Variants in ZNF644 observed in about 807,000 individuals in gnomAD.
ZNF644 encodes the protein zinc finger motif enhancer binding protein 2.
A neutral mutation model predicts 108.0 loss-of-function variants in ZNF644; 20 were observed. That is an observed-to-expected ratio of 0.19 (90% CI 0.13 to 0.27). ZNF644 has a LOEUF of 0.27. ZNF644 is among the 10% of genes least tolerant of loss of function. The probability of loss-of-function intolerance (pLI) is 1.00; values close to 1 mark genes in which losing one functional copy is unlikely to be tolerated. For synonymous variants in ZNF644, 542 were observed against 539.1 expected, an observed-to-expected ratio of 1.01 and a Z score of -0.08; for missense variants, 1,338 against 1,548.9, an observed-to-expected ratio of 0.86 and a Z score of 2.29.
At chr1:91,001,440 G>A (rs1658801789) in intron 1 of ZNF644, among the ~76,000 whole-genome samples, 1 of 152,242 alleles carries the variant, frequency 6.6e-6, no homozygotes, top group African/African-American at 2.4e-5. Context: ...AAAACCACAT[G>A]ATTATCTCAA....
intron 1 of ZNF644, among the ~76,000 whole-genome samples, chr1:91,002,577 T>C (rs1236631856): frequency 1.3e-5 from 2 of 152,126 alleles, no homozygotes; most frequent in Non-Finnish European, 2.9e-5. Flanking sequence ...ACAAAAACCC[T>C]AGAAGAAAAC....
chr1:90,932,042 C>G (rs1020144269), intron 4 of ZNF644, among the ~76,000 whole-genome samples: 1 of 151,960 alleles, frequency 6.6e-6, no homozygotes, highest in African/African-American at 2.4e-5. Flanking sequence ...ATGTCGGTGA[C>G]CCCAGTAAAG....
intron 1 of ZNF644, among the ~76,000 whole-genome samples, chr1:91,013,645 G>T (rs1433473770): frequency 6.6e-6 from 1 of 151,808 alleles, no homozygotes; most frequent in Non-Finnish European, 1.5e-5. Context: ...TATCCTTTAC[G>T]GTTCAGTTCA....
chr1:90,918,199 A>G (rs150530884), intron 4 of ZNF644, 45 bp from the exon 5 acceptor site: 17,790 of 1,481,360 alleles, frequency 0.012, 134 homozygotes, highest in Non-Finnish European at 0.015. Context: ...ATATATTTCA[A>G]AATATACATA....
At chr1:90,963,652 T>C (rs1654553248) in intron 2 of ZNF644, among the ~76,000 whole-genome samples, 1 of 152,136 alleles carries the variant, frequency 6.6e-6, no homozygotes, top group Non-Finnish European at 1.5e-5. Flanking sequence ...AAACATAATG[T>C]TGAACAAAAT....
intron 4 of ZNF644, among the ~76,000 whole-genome samples, chr1:90,931,981 T>C (rs1650780940): frequency 6.6e-6 from 1 of 152,086 alleles, no homozygotes; most frequent in African/African-American, 2.4e-5. Flanking sequence ...TGAGAACAAA[T>C]AAGTGCATGT....
rs147024894 is a variant in ZNF644 at position 90,982,310 on chromosome 1, C to T, written c.44G>A (p.Arg15Lys). ...TTTAACAAAGCAGTCTTCTACTTAC[C>T]TAGATTTTGTCTTATTAACATCTTG... ...LQQDVNKTKS[R>K]LNVLNGLANN... The change falls in exon 2 of 6, where the codon AGA becomes AAA. Residue 15 changes from arginine (R) to lysine (K), a missense_variant and splice_region_variant. Arg to Lys is a conservative substitution (Grantham distance 26). Coordinates refer to ENST00000337393, the MANE Select transcript of ZNF644 (RefSeq NM_201269.3). 1.9e-6 allele frequency: 3 copies of T among 1,609,044 alleles called. No homozygotes were observed. The highest frequency in any genetic ancestry group is 2.5e-6 in the Non-Finnish European group (3 of 1,178,012).
chr1:90,966,343 A>G (rs1654884783), intron 2 of ZNF644, among the ~76,000 whole-genome samples: 1 of 152,090 alleles, frequency 6.6e-6, no homozygotes, highest in African/African-American at 2.4e-5. Flanking sequence ...CCCCACTACA[A>G]AGTAAGCTTC....
At chr1:90,921,773 A>G (rs931366684) in intron 4 of ZNF644, among the ~76,000 whole-genome samples, 5 of 152,094 alleles carry the variant, frequency 3.3e-5, no homozygotes, top group African/African-American at 1.2e-4. Context: ...TTTCAGTAAG[A>G]TATTTGTCTT....
chr1:90,955,277 A>G (rs1211264803), intron 2 of ZNF644, among the ~76,000 whole-genome samples: 1 of 152,172 alleles, frequency 6.6e-6, no homozygotes, highest in Non-Finnish European at 1.5e-5. Flanking sequence ...ATGGGCCCTA[A>G]GATTTATGGA....
At chr1:91,018,864 A>G (rs1360923609) in intron 1 of ZNF644, among the ~76,000 whole-genome samples, 2 of 152,206 alleles carry the variant, frequency 1.3e-5, no homozygotes, top group African/African-American at 4.8e-5. Context: ...AAACACTCTT[A>G]TAACTTGAAT....
At chr1:91,007,218 C>T (rs1433784612) in intron 1 of ZNF644, among the ~76,000 whole-genome samples, 1 of 125,668 alleles carries the variant, frequency 8.0e-6, no homozygotes, top group Non-Finnish European at 1.7e-5. Context: ...CCATTTTCTC[C>T]CATTTTGTTT....
At chr1:90,985,155 A>G (rs1208445764) in intron 1 of ZNF644, among the ~76,000 whole-genome samples, 1 of 152,078 alleles carries the variant, frequency 6.6e-6, no homozygotes, top group African/African-American at 2.4e-5. Context: ...CATTTTAGAC[A>G]CTTTATTTTT....
intron 2 of ZNF644, among the ~76,000 whole-genome samples, chr1:90,966,747 CA>C (rs67549954): frequency 0.38 from 28,081 of 73,766 alleles, 2,539 homozygotes; most frequent in Non-Finnish European, 0.41. Context: ...GACTCAGTCT[CA>C]AAAAAAAAAA....
intron 2 of ZNF644, among the ~76,000 whole-genome samples, chr1:90,946,681 A>C (rs1328218787): frequency 6.6e-6 from 1 of 152,172 alleles, no homozygotes; most frequent in Non-Finnish European, 1.5e-5. Context: ...ACACTGCCAC[A>C]GAGCTAACTG....
intron 1 of ZNF644, among the ~76,000 whole-genome samples, chr1:91,002,289 C>A (rs1658927734): frequency 6.6e-6 from 1 of 152,134 alleles, no homozygotes; most frequent in Admixed American, 6.5e-5. Flanking sequence ...TACTACAAGG[C>A]CACAGTAATC....
rs1651613177 is a variant in ZNF644 at position 90,938,711 on chromosome 1, A to G, written c.2643T>C (p.Asp881=). Residue 881 remains aspartate (D), a synonymous_variant, in exon 3 of 6, where the codon GAT becomes GAC. Transcript: ENST00000337393. The surrounding 1 kb of genome is among the most constrained non-coding windows in gnomAD (Gnocchi z 4.2). The part of the protein sequence containing the change: ...TQAIEDETYS[D]INQEHVNLFP... The stretch of plus-strand genomic sequence containing the variant: ...ATAAATTTACATGCTCTTGATTAAT[A>G]TCACTATAGGTTTCATCTTCTATGG... 1.2e-6 allele frequency: 2 copies of G among 1,613,530 alleles called. No homozygotes were observed. Among genetic ancestry groups the G allele is most frequent in the Middle Eastern group, 1.7e-4 (1 of 6,060 alleles).
intron 2 of ZNF644, among the ~76,000 whole-genome samples, chr1:90,979,393 A>T (rs1334925420): frequency 6.6e-6 from 1 of 152,114 alleles, no homozygotes; most frequent in East Asian, 1.9e-4. Context: ...GAATTGCTTG[A>T]ACCTGGGAGG....
chr1:90,937,962 C>T lies in ZNF644; in HGVS notation c.3211G>A (p.Ala1071Thr), dbSNP rs746369960. The T allele has an allele frequency of 4.2e-5, 67 of 1,612,834 alleles. No homozygotes were observed. Among genetic ancestry groups the T allele is most frequent in the Non-Finnish European group, 5.6e-5 (66 of 1,179,864 alleles). Residue 1071 changes from alanine (A) to threonine (T), a missense_variant, in exon 4 of 6, where the codon GCT (alanine) becomes ACT (threonine). By Grantham distance (58) the Ala-to-Thr change is moderately conservative. This residue lies in a region of ZNF644 where 287 missense variants were observed against 310.9 expected (regional missense o/e 0.92). Coordinates refer to ENST00000337393, the MANE Select transcript of ZNF644 (RefSeq NM_201269.3). ...AGAACACAGATTGGAGATTTGTGAG[C>T]ATCCCATTTCGTCTTTCCAAGTCTT... ...LKRLGKTKWD[A>T]HKSPICVLNE...
Sources: gnomAD v4.1 joint callset for allele counts (sites outside exome capture counted in the v4.1 genomes callset) on GRCh38, gnomAD v4.1.1 for gene constraint, gnomAD v4.1.1 regional missense constraint, Gnocchi (gnomAD v3.1) non-coding constraint, MANE v1.5 for transcripts, NCBI Gene and HGNC (gene_info 2026-07-23, HGNC 2026-07-21) for gene names.